Variants in PAPLN observed in about 807,000 individuals in gnomAD.
PAPLN encodes papilin, proteoglycan like sulfated glycoprotein.
PAPLN carries 146 observed loss-of-function variants against 159.0 expected under a neutral mutation model. The observed-to-expected ratio is 0.92, with a 90% CI of 0.80 to 1.05. The LOEUF (loss-of-function observed/expected upper bound fraction) is 1.05, where lower values mean the gene tolerates loss of function less well. PAPLN is among the 50% of genes least tolerant of loss of function. The probability of loss-of-function intolerance (pLI) is 0.00; values close to 1 mark genes in which losing one functional copy is unlikely to be tolerated. For missense variants in PAPLN, 1,720 were observed against 1,743.9 expected, an observed-to-expected ratio of 0.99 and a Z score of 0.24; for synonymous variants, 734 against 702.9, an observed-to-expected ratio of 1.04 and a Z score of -0.70.
At position 73,245,355 on chromosome 14, in the gene PAPLN, C is replaced by A. The variant is rs1357173607; in HGVS notation, c.171-281C>A. Reference sequence around the variant, plus strand: ...GCGGGTGGGTATTATATCTCATGCACCTCGGGTCTTCTCTGGGAATCTGCC... The same window carrying A: ...GCGGGTGGGTATTATATCTCATGCAACTCGGGTCTTCTCTGGGAATCTGCC... On this transcript the variant is annotated intron_variant, in intron 3 of 26. Coordinates refer to ENST00000644200, the MANE Select transcript of PAPLN (RefSeq NM_001365906.3). This position sits in a 1 kb window ranked among gnomAD's most constrained non-coding sequence, Gnocchi z 4.2. 1.9e-5 allele frequency: 9 copies of A among 485,396 alleles called. No homozygotes were observed. Among genetic ancestry groups the A allele is most frequent in the African/African-American group, 9.8e-5 (5 of 50,854 alleles). 30.1% of individuals were successfully genotyped at this position (485,396 alleles called of 1,614,324 possible). A position where few individuals can be genotyped will look rare whatever the true frequency, so the allele number is the denominator to read the frequency against.
At chr14:73,251,877 G>C in intron 9 of PAPLN, 41 bp downstream of exon 9, 3 of 1,558,964 alleles carry the variant, frequency 1.9e-6, no homozygotes, top group South Asian at 1.2e-5. Context: ...TGGGCAGCTC[G>C]TGGTCCCCAA....
intron 5 of PAPLN, among the ~76,000 whole-genome samples, chr14:73,248,778 C>T (rs188439132): frequency 2.6e-5 from 4 of 152,062 alleles, no homozygotes; most frequent in Admixed American, 6.5e-5. Flanking sequence ...GTCAAGATCA[C>T]ACCACTGCAC....
intron 5 of PAPLN, among the ~76,000 whole-genome samples, chr14:73,247,905 T>C (rs1884707173): frequency 7.9e-6 from 1 of 125,936 alleles, no homozygotes; most frequent in Admixed American, 7.8e-5. Context: ...TGTGTGTGTG[T>C]GTGTGTGTGT....
intron 1 of PAPLN, among the ~76,000 whole-genome samples, chr14:73,238,515 G>A (rs910805018): frequency 7.2e-5 from 11 of 152,258 alleles, no homozygotes; most frequent in East Asian, 1.9e-4. Flanking sequence ...CAGCGGAGGC[G>A]GTGGTGTTCT....
chr14:73,254,398 A>G (rs1465178180), intron 12 of PAPLN, 115 bp from the exon 13 acceptor site: 2 of 1,302,054 alleles, frequency 1.5e-6, no homozygotes, highest in South Asian at 2.7e-5. Context: ...TGGGAAGGAC[A>G]TGGGCAGTTG....
intron 18 of PAPLN, among the ~76,000 whole-genome samples, chr14:73,261,703 G>A (rs535644733): frequency 3.3e-4 from 51 of 152,240 alleles, no homozygotes; most frequent in Non-Finnish European, 5.6e-4. Flanking sequence ...GGTCAGGGAG[G>A]TCTTTGAGGT....
chr14:73,263,958 C>T (rs1474609640), intron 20 of PAPLN, 176 bp downstream of exon 20: 7 of 1,396,954 alleles, frequency 5.0e-6, no homozygotes, highest in South Asian at 1.3e-5. Flanking sequence ...GTGACGGCCC[C>T]CCGACCTCCT....
At chr14:73,251,616 G>A in intron 8 of PAPLN, 48 bp from the exon 9 acceptor site, 9 of 1,613,418 alleles carry the variant, frequency 5.6e-6, no homozygotes, top group Non-Finnish European at 7.6e-6. Flanking sequence ...GCAGGGGGAG[G>A]TGCGGCACTG....
chr14:73,242,952 C>G (rs1212003050), intron 2 of PAPLN: 1 of 152,224 alleles, frequency 6.6e-6, no homozygotes, highest in Non-Finnish European at 1.5e-5. Flanking sequence ...ACCTGAGATT[C>G]AGCGAAGCTG....
chr14:73,267,141 C>T (rs1343435566), intron 25 of PAPLN, among the ~76,000 whole-genome samples: 1 of 152,188 alleles, frequency 6.6e-6, no homozygotes, highest in East Asian at 1.9e-4. Context: ...TCCAGGGCAT[C>T]TACCCACTAG....
chr14:73,251,565 G>A lies in PAPLN; in HGVS notation c.669G>A (p.Leu223=). Residue 223 remains leucine (L), a splice_region_variant and synonymous_variant, in exon 8 of 27, where the codon CTG becomes CTA. Transcript: ENST00000644200. ...AGGCTGCTGCCAGCAGGAACTTCCT[G>A]GGTGAGAGCCTAGGGTTAGGTCCTA... ...IDEAAASRNF[L]AVKNVRGEYY... 1.9e-6 allele frequency: 3 copies of A among 1,612,998 alleles called. No homozygotes were observed. The South Asian group carries it at 3.3e-5, about 18-fold the overall frequency.
At position 73,246,160 on chromosome 14, in the gene PAPLN, C is replaced by T. The variant is rs1301558532; in HGVS notation, c.319C>T (p.Leu107=). 1.9e-6 allele frequency: 3 copies of T among 1,589,302 alleles called. No individual in the cohort carries two copies. Among genetic ancestry groups the T allele is most frequent in the East Asian group, 2.3e-5 (1 of 42,572 alleles). ...AEFQGRRYRW[L]PYYSAPNKCE... is the part of the protein sequence containing the mutation. ...GTTCCAGGGGCGGCGGTATCGGTGG[C>T]TGCCCTACTACAGCGGTGAGCGCGG... The change falls in exon 5 of 27, where the codon CTG becomes TTG. Residue 107 remains leucine, a synonymous_variant. Coordinates refer to ENST00000644200, the MANE Select transcript of PAPLN (RefSeq NM_001365906.3).
At chr14:73,257,840 T>C (rs990848489) in intron 14 of PAPLN, among the ~76,000 whole-genome samples, 2 of 143,516 alleles carry the variant, frequency 1.4e-5, no homozygotes, top group Non-Finnish European at 3.0e-5. Flanking sequence ...CTCGGCTCAC[T>C]GCAACCTCTG....
Position 73,245,048 on chromosome 14 carries a change from C to G in PAPLN, c.170+289C>G. 6.7e-6 allele frequency: 2 copies of G among 296,608 alleles called. No individual in the cohort carries two copies. The highest frequency in any genetic ancestry group is 2.2e-5 in the African/African-American group (1 of 45,566). 18.4% of individuals were successfully genotyped at this position (296,608 alleles called of 1,614,324 possible). A position where few individuals can be genotyped will look rare whatever the true frequency, so the allele number is the denominator to read the frequency against. On this transcript the variant is annotated intron_variant, in intron 3 of 26. Coordinates refer to ENST00000644200, the MANE Select transcript of PAPLN (RefSeq NM_001365906.3). This position sits in a 1 kb window ranked among gnomAD's most constrained non-coding sequence, Gnocchi z 4.2. ...GCAGGTGCAGTCAATTTTGCTGGAA[C>G]TGGTAAATAATCTTCAACCGGCAGT...
intron 14 of PAPLN, 128 bp from the exon 15 acceptor site, chr14:73,258,851 T>G (rs949988206): frequency 1.3e-6 from 1 of 764,198 alleles, no homozygotes; most frequent in Non-Finnish European, 1.9e-6. Flanking sequence ...TCCCTTGGGC[T>G]GTCTCGGGTT....
At position 73,245,534 on chromosome 14, in the gene PAPLN, C is replaced by A; in HGVS notation, c.171-102C>A. ...GGGACACCCTCTCACCTTGCTGCTC[C>A]CACTGGAGAGTCCCGCAGAAGTTGG... is the stretch of plus-strand genomic sequence containing the variant. On this transcript the variant is annotated intron_variant, in intron 3 of 26. Transcript: ENST00000644200. The surrounding 1 kb of genome is among the most constrained non-coding windows in gnomAD (Gnocchi z 4.2). 1 of 1,317,114 alleles carries A rather than the reference C, an allele frequency of 7.6e-7. No individual in the cohort carries two copies. The highest frequency in any genetic ancestry group is 1.0e-6 in the Non-Finnish European group (1 of 956,028). 81.6% of individuals were successfully genotyped at this position (1,317,114 alleles called of 1,614,324 possible).
At position 73,247,796 on chromosome 14, in the gene PAPLN, CCGTGTGTGTGTGTGTGTG is replaced by C. The variant is rs1358571345; in HGVS notation, c.334+1622_334+1639del. Among the ~76,000 whole-genome samples, 92 of 60,624 alleles carry C rather than the reference CCGTGTGTGTGTGTGTGTG, an allele frequency of 1.5e-3. 5 individuals carry two copies. The highest frequency in any genetic ancestry group is 0.02 in the Middle Eastern group (1 of 50). 39.8% of individuals were successfully genotyped at this position (60,624 alleles called of 152,430 possible). ...CGTGGCCCAGTGGGAGTCTCTTATC[CCGTGTGTGTGTGTGTGTG>C]TGTGTGTGTGTGTGTGTGTGTGTGT... On this transcript the variant is annotated intron_variant, in intron 5 of 26. Coordinates refer to ENST00000644200, the MANE Select transcript of PAPLN (RefSeq NM_001365906.3).
chr14:73,268,800 G>A, intron 26 of PAPLN, 77 bp downstream of exon 26: 2 of 1,453,086 alleles, frequency 1.4e-6, no homozygotes, highest in Non-Finnish European at 1.8e-6. Context: ...TGGCTCTGCA[G>A]TCTGAGGGAC....
At chr14:73,269,829 C>A (rs1887548143) in intron 26 of PAPLN, among the ~76,000 whole-genome samples, 1 of 151,264 alleles carries the variant, frequency 6.6e-6, no homozygotes, top group African/African-American at 2.4e-5. Flanking sequence ...AGGGCTGCAG[C>A]GCCATGCCAG....
Sources: allele counts gnomAD v4.1 joint callset (sites outside exome capture counted in the v4.1 genomes callset), GRCh38; gene constraint gnomAD v4.1.1; non-coding constraint Gnocchi (gnomAD v3.1); transcripts MANE v1.5; gene names NCBI Gene and HGNC (gene_info 2026-07-23, HGNC 2026-07-21).